Variants in ARHGAP40 observed in about 807,000 individuals in gnomAD.
The protein encoded by ARHGAP40 is Rho GTPase activating protein 40.
In ARHGAP40, 43 loss-of-function variants were observed where a neutral mutation model predicts 73.5. The ratio of observed to expected loss-of-function variants is 0.58; its 90% CI spans 0.46 to 0.75. ARHGAP40 has a LOEUF of 0.75. Ranked by LOEUF, ARHGAP40 falls within the 30% of genes least tolerant of loss-of-function variation. The pLI, the probability that ARHGAP40 is intolerant of heterozygous loss-of-function variation, is 0.00. For synonymous variants in ARHGAP40, 300 were observed against 352.8 expected, an observed-to-expected ratio of 0.85 and a Z score of 1.68; for missense variants, 734 against 861.8, an observed-to-expected ratio of 0.85 and a Z score of 1.86.
chr20:38,613,345 T>G (rs2088815016), intron 1 of ARHGAP40, among the ~76,000 whole-genome samples: 1 of 152,162 alleles, frequency 6.6e-6, no homozygotes, highest in Non-Finnish European at 1.5e-5. Context: ...AGAATTCTGA[T>G]GCAATCCATC....
intron 13 of ARHGAP40, 91 bp downstream of exon 13, chr20:38,647,217 T>C (rs1451123541): frequency 8.7e-7 from 1 of 1,153,310 alleles, no homozygotes; most frequent in African/African-American, 1.6e-5. Context: ...TTACACATAC[T>C]GTTGGCCTGA....
At chr20:38,616,337 C>T (rs1423582846) in intron 1 of ARHGAP40, among the ~76,000 whole-genome samples, 4 of 152,200 alleles carry the variant, frequency 2.6e-5, no homozygotes, top group Non-Finnish European at 5.9e-5. Flanking sequence ...CATATCATTA[C>T]CCAACAACAA....
At chr20:38,629,393 T>C (rs1249757633) in intron 4 of ARHGAP40, 109 bp from the exon 5 acceptor site, 2 of 1,133,014 alleles carry the variant, frequency 1.8e-6, no homozygotes, top group African/African-American at 1.6e-5. Context: ...GAACTTGAGC[T>C]TGGGAGCTCA....
intron 5 of ARHGAP40, among the ~76,000 whole-genome samples, chr20:38,630,525 T>C (rs1037969564): frequency 1.8e-4 from 27 of 152,218 alleles, no homozygotes; most frequent in African/African-American, 6.5e-4. Context: ...CTGGCCGTTC[T>C]TTTTTCCCAA....
chr20:38,604,574 T>C (rs2088760024), intron 1 of ARHGAP40, among the ~76,000 whole-genome samples: 1 of 152,046 alleles, frequency 6.6e-6, no homozygotes, highest in Admixed American at 6.6e-5. Flanking sequence ...TTTTGTATTT[T>C]CAGTAGAGAT....
intron 6 of ARHGAP40, among the ~76,000 whole-genome samples, chr20:38,635,896 G>A (rs1024323832): frequency 5.9e-5 from 9 of 152,262 alleles, no homozygotes; most frequent in African/African-American, 2.2e-4. Context: ...TAAACTGGGC[G>A]TAGCTTGGCT....
rs767903943 is a variant in ARHGAP40 at position 38,602,015 on chromosome 20, C to T, written c.73C>T (p.Pro25Ser). 20 of 1,287,500 alleles carry T rather than the reference C, an allele frequency of 1.6e-5. No homozygotes were observed. The highest frequency in any genetic ancestry group is 6.4e-4 in the Middle Eastern group (2 of 3,122). The allele number at this position is 1,287,500 out of a possible 1,614,324, so 79.8% of individuals were successfully genotyped here. A position where few individuals can be genotyped will look rare whatever the true frequency, so the allele number is the denominator to read the frequency against. Residue 25 changes from proline (P) to serine (S), a missense_variant, in exon 1 of 15, where the codon CCT (proline) becomes TCT (serine). Pro to Ser is a moderately conservative substitution (Grantham distance 74). Coordinates refer to ENST00000373345, the Ensembl canonical transcript of ARHGAP40. ...CCCAGGGCCCCTAGCCTCACCGTGT[C>T]CTCGGATCCCGCGGGCCCGCATTGC...
chr20:38,602,975 T>C (rs369458147), intron 1 of ARHGAP40, among the ~76,000 whole-genome samples: 13 of 152,236 alleles, frequency 8.5e-5, no homozygotes, highest in South Asian at 2.1e-4. Flanking sequence ...AATGAACATC[T>C]CTGGGGACTT....
intron 1 of ARHGAP40, among the ~76,000 whole-genome samples, chr20:38,617,081 C>T (rs553096561): frequency 6.6e-6 from 1 of 152,190 alleles, no homozygotes; most frequent in Non-Finnish European, 1.5e-5. Context: ...CCCTATTCAC[C>T]ACTTTTGGGG....
At chr20:38,632,259 C>T (rs113552428) in intron 5 of ARHGAP40, among the ~76,000 whole-genome samples, 4 of 144,286 alleles carry the variant, frequency 2.8e-5, no homozygotes, top group Non-Finnish European at 4.6e-5. Flanking sequence ...CCACTGCACC[C>T]GGCCTAAATT....
rs2089053360 is a variant in ARHGAP40 at position 38,646,353 on chromosome 20, T to A, written c.1710+166T>A. 6.6e-6 allele frequency among the ~76,000 whole-genome samples: 1 copy of A among 152,106 alleles called. No homozygotes were observed. Among genetic ancestry groups the A allele is most frequent in the South Asian group, 2.1e-4 (1 of 4,822 alleles). ...CGCCGTCACGGGGAGCGAGGAGGCG[T>A]GGCTGCGAAACGAGGGCTTAGAAGC... is the stretch of plus-strand genomic sequence containing the variant. On this transcript the variant is annotated intron_variant, in intron 12 of 14. Transcript: ENST00000373345. The surrounding 1 kb of genome is among the most constrained non-coding windows in gnomAD (Gnocchi z 4.5).
chr20:38,626,901 A>G, intron 2 of ARHGAP40, 94 bp from the exon 3 acceptor site: 1 of 976,346 alleles, frequency 1.0e-6, no homozygotes, highest in Non-Finnish European at 1.4e-6. Context: ...TCCTGTGTCC[A>G]GGTGAGTGTG....
intron 6 of ARHGAP40, 96 bp from the exon 7 acceptor site, chr20:38,637,612 G>C: frequency 1.0e-6 from 1 of 960,726 alleles, no homozygotes; most frequent in Non-Finnish European, 1.5e-6. Flanking sequence ...CACAGGAAAA[G>C]GGGTCTGATT....
Position 38,610,924 on chromosome 20 carries a change from C to T in ARHGAP40, c.137+8845C>T, listed in dbSNP as rs767038228. ...TTTTTTTTTTTGACAGAGTCTTGCT[C>T]TGTCACCCAGGCTGGAGTGCAGTGG... On this transcript the variant is annotated intron_variant, in intron 1 of 14. Transcript: ENST00000373345. 4.3e-3 allele frequency among the ~76,000 whole-genome samples: 589 copies of T among 136,856 alleles called. 1 individual carries two copies. The highest frequency in any genetic ancestry group is 6.3e-3 in the Non-Finnish European group (411 of 65,122). 89.8% of individuals were successfully genotyped at this position (136,856 alleles called of 152,430 possible).
intron 7 of ARHGAP40, among the ~76,000 whole-genome samples, chr20:38,638,120 T>C: frequency 6.6e-6 from 1 of 151,058 alleles, no homozygotes; most frequent in East Asian, 1.9e-4. Flanking sequence ...CCATCCTGGT[T>C]AACACGGTGA....
chr20:38,610,166 T>C (rs2088795961), intron 1 of ARHGAP40, among the ~76,000 whole-genome samples: 2 of 152,354 alleles, frequency 1.3e-5, no homozygotes, highest in African/African-American at 4.8e-5. Flanking sequence ...GTAAATGTTA[T>C]GCATCTCTGT....
At chr20:38,627,416 TGGG>T (rs111607729) in intron 3 of ARHGAP40, among the ~76,000 whole-genome samples, 3 of 129,830 alleles carry the variant, frequency 2.3e-5, no homozygotes, top group African/African-American at 3.0e-5. Flanking sequence ...GTATGTGTGT[TGGG>T]GGTGTGTGTG....
At chr20:38,627,054 C>T in exon 3 of ARHGAP40, 3 of 1,305,266 alleles carry the variant, frequency 2.3e-6, no homozygotes, top group Non-Finnish European at 3.0e-6. Flanking sequence ...CCTTGGTGGC[C>T]TGGGCTTGGA....
chr20:38,626,179 A>G (rs1444888800), intron 2 of ARHGAP40, among the ~76,000 whole-genome samples: 1 of 152,184 alleles, frequency 6.6e-6, no homozygotes, highest in Admixed American at 6.5e-5. Context: ...CTGCCATAAA[A>G]GCAGTTTTGT....
Sources: gnomAD v4.1 joint callset for allele counts (sites outside exome capture counted in the v4.1 genomes callset) on GRCh38, gnomAD v4.1.1 for gene constraint, Gnocchi (gnomAD v3.1) non-coding constraint, MANE v1.5 for transcripts, NCBI Gene and HGNC (gene_info 2026-07-23, HGNC 2026-07-21) for gene names.